Variants in GSDMC observed in about 807,000 individuals in gnomAD.
GSDMC encodes the protein gasdermin C.
A neutral mutation model predicts 58.0 loss-of-function variants in GSDMC; 59 were observed. The ratio of observed to expected loss-of-function variants is 1.02; its 90% CI spans 0.82 to 1.26. GSDMC has a LOEUF of 1.26. Among genes scored for constraint, GSDMC ranks in the 50% most tolerant of loss-of-function variants. The probability of loss-of-function intolerance (pLI) is 0.00; values close to 1 mark genes in which losing one functional copy is unlikely to be tolerated. For synonymous variants in GSDMC, 241 were observed against 220.2 expected (o/e 1.09, Z -0.83); for missense variants, 659 against 598.5 (o/e 1.10, Z -1.06).
chr8:129,748,892 C>T (rs926300205), intron 13 of GSDMC, 152 bp from the exon 14 acceptor site: 22 of 530,310 alleles, frequency 4.1e-5, no homozygotes, highest in Non-Finnish European at 5.9e-5. Flanking sequence ...TCATACCCTA[C>T]GATCCAAAGA....
chr8:129,772,029 C>A lies in GSDMC; in HGVS notation c.404+4073G>T, dbSNP rs552028979. 3.7e-4 allele frequency among the ~76,000 whole-genome samples: 57 copies of A among 152,210 alleles called. 1 individual carries two copies. The highest frequency in any genetic ancestry group is 1.4e-3 in the African/African-American group (57 of 41,542). On this transcript the variant is annotated intron_variant, in intron 3 of 13. Transcript: ENST00000276708. ...CCTGTAATCCCAGCACTTTAGGAGG[C>A]CAAGGCGGGCAGATCATGAGGTCAG...
the GSDMC span, among the ~76,000 whole-genome samples, chr8:129,725,398 T>C: frequency 6.6e-6 from 1 of 152,196 alleles, no homozygotes; most frequent in Admixed American, 6.5e-5. Context: ...GTTGATATTG[T>C]GTACTCTGCC....
intron 2 of GSDMC, among the ~76,000 whole-genome samples, 167 bp from the exon 3 acceptor site, chr8:129,776,452 G>A (rs1286004604): frequency 6.6e-6 from 1 of 152,214 alleles, no homozygotes; most frequent in Non-Finnish European, 1.5e-5. Context: ...ATGTTTGAAT[G>A]TAAATTACTA....
At chr8:129,780,080 A>G (rs1347619667) in intron 1 of GSDMC, among the ~76,000 whole-genome samples, 2 of 152,196 alleles carry the variant, frequency 1.3e-5, no homozygotes, top group African/African-American at 4.8e-5. Context: ...TATACAGTCA[A>G]AGGAGACAAA....
chr8:129,766,275 G>A (rs941188028), intron 3 of GSDMC, among the ~76,000 whole-genome samples: 24 of 152,176 alleles, frequency 1.6e-4, no homozygotes, highest in African/African-American at 2.4e-4. Flanking sequence ...TTTCATGACC[G>A]TTACGGATTT....
chr8:129,718,844 T>C, the GSDMC span, among the ~76,000 whole-genome samples: 3 of 152,302 alleles, frequency 2.0e-5, no homozygotes, highest in Admixed American at 1.3e-4. Flanking sequence ...ATGGAAATAC[T>C]ATGCAGCCAT....
intron 8 of GSDMC, 56 bp from the exon 9 acceptor site, chr8:129,751,947 A>G: frequency 6.4e-7 from 1 of 1,558,780 alleles, no homozygotes; most frequent in East Asian, 2.2e-5. Context: ...GATTTCTCCA[A>G]CCTTCTGCCC....
chr8:129,744,925 G>C (rs368200950), downstream of GSDMC, among the ~76,000 whole-genome samples: 1 of 152,188 alleles, frequency 6.6e-6, no homozygotes, highest in African/African-American at 2.4e-5. Context: ...GTAGACACTC[G>C]TTTCTCTGCC....
chr8:129,742,039 CA>C, the GSDMC span, among the ~76,000 whole-genome samples: 4 of 150,972 alleles, frequency 2.6e-5, no homozygotes, highest in South Asian at 8.4e-4. Flanking sequence ...AAGCCAGGCA[CA>C]AAAGGAAAAA....
chr8:129,748,795 GGCTTCT>G (rs2033046709), intron 13 of GSDMC, 55 bp from the exon 14 acceptor site: 2 of 1,430,392 alleles, frequency 1.4e-6, no homozygotes, highest in African/African-American at 3.0e-5. Context: ...AGGAAGAGAA[GGCTTCT>G]GCCCCAGTAT....
chr8:129,780,769 T>C (rs2034381217), intron 1 of GSDMC, among the ~76,000 whole-genome samples: 1 of 152,204 alleles, frequency 6.6e-6, no homozygotes, highest in African/African-American at 2.4e-5. Context: ...GTAATTGTGG[T>C]GTGTAAACTA....
chr8:129,710,986 C>T, the GSDMC span, among the ~76,000 whole-genome samples: 2 of 152,192 alleles, frequency 1.3e-5, no homozygotes, highest in African/African-American at 2.4e-5. Context: ...CTTGCAGATT[C>T]ATGCATTCCT....
At chr8:129,761,727 C>A (rs1032241412) in intron 5 of GSDMC, among the ~76,000 whole-genome samples, 2 of 152,128 alleles carry the variant, frequency 1.3e-5, no homozygotes, top group African/African-American at 4.8e-5. Context: ...AGTGGGAATC[C>A]CATTCTCACC....
chr8:129,752,750 G>A lies in GSDMC; in HGVS notation c.792C>T (p.Thr264=), dbSNP rs372918926. The change falls in exon 7 of 14, where the codon ACC becomes ACT. Residue 264 remains threonine (T), a synonymous_variant. Coordinates refer to ENST00000276708, the MANE Select transcript of GSDMC (RefSeq NM_031415.3). The part of the protein sequence containing the change: ...RSEGLLPSFH[T]ISPTLFNASS... ...AGGCATTGAAGAGGGTTGGAGAGAT[G>A]GTATGAAATGATGGTAGCAACCCCT... 1 of 1,614,182 alleles carries A rather than the reference G, an allele frequency of 6.2e-7. No individual in the cohort carries two copies. Among genetic ancestry groups the A allele is most frequent in the Non-Finnish European group, 8.5e-7 (1 of 1,180,030 alleles).
chr8:129,778,171 G>A (rs1351932394), intron 1 of GSDMC, among the ~76,000 whole-genome samples: 1 of 152,184 alleles, frequency 6.6e-6, no homozygotes, highest in African/African-American at 2.4e-5. Context: ...CAATAATGTA[G>A]AGGAGGCAGG....
downstream of GSDMC, among the ~76,000 whole-genome samples, chr8:129,744,889 A>G (rs1009859341): frequency 6.6e-6 from 1 of 152,222 alleles, no homozygotes; most frequent in Non-Finnish European, 1.5e-5. Context: ...GCAGTGGAAA[A>G]TGGATATTGG....
intron 13 of GSDMC, among the ~76,000 whole-genome samples, chr8:129,749,211 C>T (rs1206427971): frequency 6.6e-6 from 1 of 152,030 alleles, no homozygotes; most frequent in Non-Finnish European, 1.5e-5. Flanking sequence ...CTATTTTAGG[C>T]CTGTTGGGGA....
chr8:129,782,058 G>A (rs576644675), intron 1 of GSDMC, among the ~76,000 whole-genome samples: 2,252 of 152,118 alleles, frequency 0.015, 70 homozygotes, highest in African/African-American at 0.051. Flanking sequence ...AATCAATAAC[G>A]AGAGCAATTT....
At chr8:129,745,907 C>T (rs1055456936), downstream of GSDMC, among the ~76,000 whole-genome samples, 1 of 151,614 alleles carries the variant, frequency 6.6e-6, no homozygotes, top group Non-Finnish European at 1.5e-5. Context: ...GTTCTACATG[C>T]CATGACCTTA....
Sources: gnomAD v4.1 joint callset for allele counts (sites outside exome capture counted in the v4.1 genomes callset) on GRCh38, gnomAD v4.1.1 for gene constraint, MANE v1.5 for transcripts, NCBI Gene and HGNC (gene_info 2026-07-23, HGNC 2026-07-21) for gene names.